Variants in RAPGEF6 observed in about 807,000 individuals in gnomAD.
RAPGEF6 encodes the protein Rap guanine nucleotide exchange factor 6.
RAPGEF6 carries 56 observed loss-of-function variants against 171.4 expected under a neutral mutation model. The observed-to-expected ratio is 0.33, with a 90% confidence interval of 0.26 to 0.41. RAPGEF6 has a LOEUF of 0.41. Among genes scored for constraint, RAPGEF6 ranks in the 10% least tolerant of loss-of-function variants. RAPGEF6 has a pLI of 1.00. For missense variants in RAPGEF6, 1,674 were observed against 1,921.4 expected, an observed-to-expected ratio of 0.87 and a Z score of 2.41; for synonymous variants, 692 against 650.1, an observed-to-expected ratio of 1.06 and a Z score of -0.98.
rs1358213488 is a variant in RAPGEF6, at chr5:131,503,849, G to GCC, written c.1254+775_1254+776dup. Among the ~76,000 whole-genome samples, 3 of 152,088 alleles carry GCC rather than the reference G, an allele frequency of 2.0e-5. No individual in the cohort carries two copies. The East Asian group carries it at 5.8e-4, about 29-fold the overall frequency. On this transcript the variant is annotated intron_variant, in intron 11 of 27. Coordinates refer to ENST00000509018, the MANE Select transcript of RAPGEF6 (RefSeq NM_016340.6). Reference sequence around the variant, plus strand: ...TAAGGCTTTTGATTTACCTCATTTAGCCCTAATAAAGTCTTGAATTACCTC... The same window carrying GCC: ...TAAGGCTTTTGATTTACCTCATTTAGCCCCCTAATAAAGTCTTGAATTACCTC...
At chr5:131,587,397 T>G (rs972442664) in intron 4 of RAPGEF6, among the ~76,000 whole-genome samples, 1 of 152,200 alleles carries the variant, frequency 6.6e-6, no homozygotes, top group African/African-American at 2.4e-5. Flanking sequence ...AAACTGGTGT[T>G]GAGGAAAAGT....
chr5:131,525,438 T>C (rs897720646), intron 6 of RAPGEF6, among the ~76,000 whole-genome samples: 5 of 152,102 alleles, frequency 3.3e-5, no homozygotes, highest in Non-Finnish European at 5.9e-5. Flanking sequence ...TGAAGTCACA[T>C]TGGAAATTAG....
Position 131,439,538 on chromosome 5 carries a change from T to C in RAPGEF6, c.3745+43A>G, listed in dbSNP as rs756068798. The stretch of plus-strand genomic sequence containing the variant: ...AAAGCAAAATATGTGCTATAAAGTA[T>C]TGTTTAGTTTAACAAGAACTAGTTT... On this transcript the variant is annotated intron_variant, in intron 24 of 27. Transcript: ENST00000509018. 3.8e-6 allele frequency: 6 copies of C among 1,560,142 alleles called. No individual in the cohort carries two copies. The East Asian group carries it at 1.2e-4, about 30-fold the overall frequency.
At chr5:131,610,677 G>A (rs1214547334) in intron 1 of RAPGEF6, among the ~76,000 whole-genome samples, 1 of 152,114 alleles carries the variant, frequency 6.6e-6, no homozygotes, top group African/African-American at 2.4e-5. Flanking sequence ...CATAGTGGAG[G>A]AGAGAGGATA....
intron 15 of RAPGEF6, among the ~76,000 whole-genome samples, chr5:131,483,391 G>A (rs1226597172): frequency 6.6e-6 from 1 of 150,814 alleles, no homozygotes; most frequent in Non-Finnish European, 1.5e-5. Context: ...CTGGACATGA[G>A]TATGTAATTA....
rs1764451719 is a variant in RAPGEF6 at position 131,604,784 on chromosome 5, C to T, written c.70-91G>A. ...ACAATTCTGATTTTAAGCAAACAAC[C>T]ACTTATGGCAAAGCAGTTAACTATG... On this transcript the variant is annotated intron_variant, in intron 1 of 27. Transcript: ENST00000509018. 20 of 1,406,840 alleles carry T rather than the reference C, an allele frequency of 1.4e-5. No homozygotes were observed. The East Asian group carries it at 5.1e-4, about 36-fold the overall frequency. 87.1% of individuals were successfully genotyped at this position (1,406,840 alleles called of 1,614,324 possible). A position where few individuals can be genotyped will look rare whatever the true frequency, so the allele number is the denominator to read the frequency against.
chr5:131,436,613 AT>A (rs762191528), intron 24 of RAPGEF6, among the ~76,000 whole-genome samples: 17,714 of 96,448 alleles, frequency 0.18, 2,522 homozygotes, highest in African/African-American at 0.46. Flanking sequence ...CAAGCTGGTG[AT>A]AAAAATAAAA....
chr5:131,607,717 G>A (rs1162512858), intron 1 of RAPGEF6, among the ~76,000 whole-genome samples: 1 of 152,084 alleles, frequency 6.6e-6, no homozygotes, highest in Admixed American at 6.6e-5. Flanking sequence ...CACACATGCG[G>A]CTCCAGAAAA....
chr5:131,538,999 T>A (rs139694741), intron 6 of RAPGEF6, among the ~76,000 whole-genome samples: 26 of 152,308 alleles, frequency 1.7e-4, no homozygotes, highest in African/African-American at 6.3e-4. Flanking sequence ...TCTTTTGTTT[T>A]TAAGGTAGAA....
intron 11 of RAPGEF6, among the ~76,000 whole-genome samples, chr5:131,501,080 G>A (rs1041955969): frequency 1.3e-5 from 2 of 150,712 alleles, no homozygotes; most frequent in African/African-American, 2.4e-5. Context: ...GCCTTGACCT[G>A]AGGATCACTT....
chr5:131,563,400 A>C (rs1291141230), intron 4 of RAPGEF6, among the ~76,000 whole-genome samples: 1 of 152,190 alleles, frequency 6.6e-6, no homozygotes, highest in African/African-American at 2.4e-5. Flanking sequence ...ATATTTAAAA[A>C]TGTCAATTTC....
chr5:131,509,339 C>T (rs1467087904), intron 8 of RAPGEF6, among the ~76,000 whole-genome samples: 4 of 152,128 alleles, frequency 2.6e-5, no homozygotes, highest in South Asian at 2.1e-4. Flanking sequence ...GTCAGGAGAT[C>T]GAGACCATCC....
At chr5:131,484,325 C>A (rs1354877453) in intron 15 of RAPGEF6, among the ~76,000 whole-genome samples, 1 of 136,076 alleles carries the variant, frequency 7.3e-6, no homozygotes, top group African/African-American at 2.8e-5. Context: ...CCCCAAGGTT[C>A]AAGTGATTCT....
Position 131,431,186 on chromosome 5 carries a change from G to A in RAPGEF6, c.4138C>T (p.Pro1380Ser). 1 of 1,614,186 alleles carries A rather than the reference G, an allele frequency of 6.2e-7. No individual in the cohort carries two copies. The highest frequency in any genetic ancestry group is 1.3e-5 in the African/African-American group (1 of 75,044). Residue 1380 changes from proline to serine, a missense_variant, in exon 26 of 28, where the codon CCA (proline) becomes TCA (serine). Physicochemically the swap from Pro to Ser is moderately conservative, Grantham distance 74 (BLOSUM62 -1). Transcript: ENST00000509018. ...AAAAAATCCCAGCTTTTTGGGTTTGGAAGGCTTTGGAAGTTGTCATGGGAG... is the reference window on the plus strand; with the variant it reads ...AAAAAATCCCAGCTTTTTGGGTTTGAAAGGCTTTGGAAGTTGTCATGGGAG... ...SSSHDNFQSL[P>S]NPKSWDFLNS... is the part of the protein sequence containing the mutation.
intron 6 of RAPGEF6, among the ~76,000 whole-genome samples, chr5:131,527,216 A>G (rs912068532): frequency 1.3e-5 from 2 of 152,150 alleles, no homozygotes; most frequent in Admixed American, 1.3e-4. Flanking sequence ...CAGATATCCA[A>G]ACTGTTTAGG....
chr5:131,458,979 C>T (rs777264105), intron 19 of RAPGEF6, among the ~76,000 whole-genome samples: 14 of 152,142 alleles, frequency 9.2e-5, no homozygotes, highest in Non-Finnish European at 1.9e-4. Flanking sequence ...AAAAGAACTA[C>T]ATAAATTGAT....
intron 4 of RAPGEF6, among the ~76,000 whole-genome samples, chr5:131,588,610 G>A (rs895241744): frequency 2.6e-5 from 4 of 151,334 alleles, no homozygotes. Flanking sequence ...AGGTGTGGTG[G>A]TGCACACCTA....
At position 131,565,962 on chromosome 5, in the gene RAPGEF6, A is replaced by G. The variant is rs563970858; in HGVS notation, c.282-3915T>C. Among the ~76,000 whole-genome samples the G allele has an allele frequency of 2.0e-5, 3 of 152,266 alleles. No individual in the cohort carries two copies. The East Asian group carries it at 5.8e-4, about 29-fold the overall frequency. On this transcript the variant is annotated intron_variant, in intron 4 of 27. Coordinates refer to ENST00000509018, the MANE Select transcript of RAPGEF6 (RefSeq NM_016340.6). ...GGAGTTCAAGACCAGCCTGTCCAACATGGCAAAACCTCGTCTCTACAAAAA... is the reference window on the plus strand; with the variant it reads ...GGAGTTCAAGACCAGCCTGTCCAACGTGGCAAAACCTCGTCTCTACAAAAA...
chr5:131,458,428 G>T (rs1047514887), intron 19 of RAPGEF6, among the ~76,000 whole-genome samples: 1 of 152,272 alleles, frequency 6.6e-6, no homozygotes, highest in East Asian at 1.9e-4. Context: ...ATGGGGAACT[G>T]TGAGTTAATT....
Sources: allele counts gnomAD v4.1 joint callset (sites outside exome capture counted in the v4.1 genomes callset), GRCh38; gene constraint gnomAD v4.1.1; transcripts MANE v1.5; gene names NCBI Gene and HGNC (gene_info 2026-07-23, HGNC 2026-07-21).